MED27: variants seen among roughly 807,000 people sequenced by gnomAD.
MED27 encodes mediator of RNA polymerase II transcription subunit 27.
MED27 carries 30 observed loss-of-function variants against 38.2 expected under a neutral mutation model. The observed-to-expected ratio is 0.79, with a 90% CI of 0.59 to 1.07. The LOEUF (loss-of-function observed/expected upper bound fraction) is 1.07, where lower values mean the gene tolerates loss of function less well. Among genes scored for constraint, MED27 ranks in the 50% least tolerant of loss-of-function variants. The pLI is 0.00. For missense variants in MED27, 289 were observed against 397.5 expected (o/e 0.73, Z 2.32); for synonymous variants, 122 against 153.5 (o/e 0.79, Z 1.52).
intron 3 of MED27, among the ~76,000 whole-genome samples, chr9:132,013,871 T>C (rs1030346976): frequency 6.6e-6 from 1 of 152,200 alleles, no homozygotes; most frequent in Non-Finnish European, 1.5e-5. Flanking sequence ...GTTACCATCA[T>C]GCTTGGTTTC....
At chr9:131,930,282 C>A (rs952891199) in intron 4 of MED27, among the ~76,000 whole-genome samples, 1 of 152,154 alleles carries the variant, frequency 6.6e-6, no homozygotes, top group African/African-American at 2.4e-5. Context: ...GCAAGTTTAA[C>A]CTGAAGTAGA....
intron 3 of MED27, among the ~76,000 whole-genome samples, chr9:131,975,560 A>G (rs1386861361): frequency 6.6e-6 from 1 of 152,236 alleles, no homozygotes; most frequent in African/African-American, 2.4e-5. Context: ...TGGTCCAGTC[A>G]TTCATTCTTT....
chr9:132,063,006 G>A (rs1833733113), intron 2 of MED27, among the ~76,000 whole-genome samples: 1 of 152,318 alleles, frequency 6.6e-6, no homozygotes, highest in East Asian at 1.9e-4. Flanking sequence ...AGGACCAGAT[G>A]TAAGACAGGG....
chr9:132,060,574 T>C (rs993805207), intron 2 of MED27, among the ~76,000 whole-genome samples: 9 of 152,208 alleles, frequency 5.9e-5, no homozygotes, highest in African/African-American at 2.2e-4. Context: ...CTTTCCAAGC[T>C]TCTACAGGAA....
intron 2 of MED27, among the ~76,000 whole-genome samples, chr9:132,052,396 C>T (rs189137042): frequency 6.6e-6 from 1 of 152,252 alleles, no homozygotes; most frequent in East Asian, 1.9e-4. Flanking sequence ...TATGTAACAG[C>T]TATCAGGATA....
chr9:132,076,582 G>A (rs1834053813), intron 2 of MED27, among the ~76,000 whole-genome samples: 1 of 152,164 alleles, frequency 6.6e-6, no homozygotes, highest in African/African-American at 2.4e-5. Flanking sequence ...TGGATTACTG[G>A]AGGGGGCACA....
chr9:132,031,972 A>G (rs1832973905), intron 2 of MED27: 1 of 152,202 alleles, frequency 6.6e-6, no homozygotes, highest in Non-Finnish European at 1.5e-5. Context: ...CCTCCCACAC[A>G]TCAATTAATT....
At position 131,864,685 on chromosome 9, in the gene MED27, G is replaced by A. The variant is rs531586335; in HGVS notation, c.724-1545C>T. On this transcript the variant is annotated intron_variant, in intron 6 of 7. Transcript: ENST00000292035. ...GGAGACCAGGGTCCGCGCCCCGCAC[G>A]GTGATGTGTGTCCACACCTGCAGCT... Among the ~76,000 whole-genome samples the A allele has an allele frequency of 1.9e-4, 29 of 152,388 alleles. No individual in the cohort carries two copies. In the East Asian group the frequency reaches 2.3e-3, roughly 12 times the overall value.
intron 2 of MED27, among the ~76,000 whole-genome samples, chr9:132,035,397 T>C (rs749596764): frequency 7.9e-5 from 12 of 152,038 alleles, no homozygotes; most frequent in Non-Finnish European, 1.6e-4. Context: ...GAGTACACTC[T>C]AGAGGAGAGA....
intron 3 of MED27, among the ~76,000 whole-genome samples, chr9:131,946,655 CCAAGG>C (rs1055947864): frequency 2.4e-4 from 37 of 152,272 alleles, no homozygotes; most frequent in Middle Eastern, 3.4e-3. Context: ...CCTAGGAGGG[CCAAGG>C]AGACCTTCAC....
chr9:131,915,393 A>G lies in MED27; in HGVS notation c.574-21401T>C, dbSNP rs150048427. On this transcript the variant is annotated intron_variant, in intron 4 of 7. Transcript: ENST00000292035. ...TAGATGGATGCGCAGTGAAATAAGC[A>G]TGATCAATAATGAGTCACCTTAAAA... 6.9e-3 allele frequency among the ~76,000 whole-genome samples: 1,045 copies of G among 152,370 alleles called. 12 individuals are homozygous for G. The highest frequency in any genetic ancestry group is 6.9e-3 in the Non-Finnish European group (469 of 68,044).
chr9:132,011,338 C>A (rs1832483049), intron 3 of MED27, among the ~76,000 whole-genome samples: 1 of 152,016 alleles, frequency 6.6e-6, no homozygotes, highest in Non-Finnish European at 1.5e-5. Context: ...ATAACAAAAA[C>A]ATTATTTTTT....
chr9:131,979,190 G>C (rs928213690), intron 3 of MED27, among the ~76,000 whole-genome samples: 1 of 151,948 alleles, frequency 6.6e-6, no homozygotes, highest in African/African-American at 2.4e-5. Context: ...ACATTATCTG[G>C]CTCTCCCGAG....
In MED27 at chr9:131,954,581, T is replaced by C. The variant is rs74628325; in HGVS notation, c.480-15107A>G. On this transcript the variant is annotated intron_variant, in intron 3 of 7. Transcript: ENST00000292035. ...AAGCTGAGAAGTCTTGTGGCAGTCT[T>C]TCAAGTTCTGGCAGAAACTCTTTTA... 5.2e-3 allele frequency among the ~76,000 whole-genome samples: 791 copies of C among 152,216 alleles called. 3 individuals are homozygous for C. Among genetic ancestry groups the C allele is most frequent in the African/African-American group, 0.017 (709 of 41,510 alleles).
intron 3 of MED27, among the ~76,000 whole-genome samples, chr9:131,975,065 G>A (rs957667043): frequency 6.6e-6 from 1 of 152,116 alleles, no homozygotes; most frequent in Non-Finnish European, 1.5e-5. Context: ...AAAGCAAAAA[G>A]CCACGAAAAG....
At chr9:131,911,378 G>C (rs1417517303) in intron 4 of MED27, among the ~76,000 whole-genome samples, 1 of 152,194 alleles carries the variant, frequency 6.6e-6, no homozygotes, top group African/African-American at 2.4e-5. Context: ...TCAAACTGCA[G>C]CTTCATCCCT....
At chr9:131,909,259 G>T (rs1830145250) in intron 4 of MED27, among the ~76,000 whole-genome samples, 1 of 152,236 alleles carries the variant, frequency 6.6e-6, no homozygotes, top group African/African-American at 2.4e-5. Context: ...ATATGTAAGT[G>T]AAGAGATGTT....
chr9:131,979,982 A>G (rs1831695024), intron 3 of MED27, among the ~76,000 whole-genome samples: 1 of 152,182 alleles, frequency 6.6e-6, no homozygotes, highest in Admixed American at 6.5e-5. Flanking sequence ...TCAATTCAGA[A>G]CTTAAGCTCA....
chr9:132,005,630 T>C (rs1239376141), intron 3 of MED27, among the ~76,000 whole-genome samples: 1 of 152,226 alleles, frequency 6.6e-6, no homozygotes, highest in Non-Finnish European at 1.5e-5. Flanking sequence ...TGTATCCCTC[T>C]CTTTTGGCAA....
Sources: allele counts gnomAD v4.1 joint callset (sites outside exome capture counted in the v4.1 genomes callset), GRCh38; gene constraint gnomAD v4.1.1; transcripts MANE v1.5; gene names NCBI Gene and HGNC (gene_info 2026-07-23, HGNC 2026-07-21).